The following DTNB variants were observed in gnomAD, a reference collection of about 807,000 sequenced individuals.
DTNB encodes dystrobrevin beta.
A neutral mutation model predicts 90.7 loss-of-function variants in DTNB; 63 were observed. The ratio of observed to expected loss-of-function variants is 0.69; its 90% confidence interval spans 0.57 to 0.86. The LOEUF (loss-of-function observed/expected upper bound fraction) is 0.86, where lower values mean the gene tolerates loss of function less well. Among genes scored for constraint, DTNB ranks in the 40% least tolerant of loss-of-function variants. The pLI, the probability that DTNB is intolerant of heterozygous loss-of-function variation, is 0.00. For missense variants in DTNB, 744 were observed against 807.1 expected (o/e 0.92, Z 0.95); for synonymous variants, 277 against 286.7 (o/e 0.97, Z 0.34).
chr2:25,658,509 A>C (rs549207918), intron 1 of DTNB, among the ~76,000 whole-genome samples: 2 of 152,244 alleles, frequency 1.3e-5, no homozygotes, highest in Non-Finnish European at 2.9e-5. Context: ...AAAAGCTGGA[A>C]GCAATGATGA....
rs577982753 is a variant in DTNB, at chr2:25,615,636, C to T, written c.363-8315G>A. Among the ~76,000 whole-genome samples, 13 of 152,226 alleles carry T rather than the reference C, an allele frequency of 8.5e-5. No homozygotes were observed. In the South Asian group the frequency reaches 2.3e-3, roughly 27 times the overall value. ...AGCTCTGTCTCAGGAACCCGGGCAGCGATCAAACGTTAGAACAAAAGATTC... is the reference window on the plus strand; with the variant it reads ...AGCTCTGTCTCAGGAACCCGGGCAGTGATCAAACGTTAGAACAAAAGATTC... On this transcript the variant is annotated intron_variant, in intron 4 of 20. Transcript: ENST00000406818.
At position 25,424,671 on chromosome 2, in the gene DTNB, AT is replaced by A. The variant is rs751578087; in HGVS notation, c.1554+2863del. 2.9e-3 allele frequency among the ~76,000 whole-genome samples: 405 copies of A among 141,582 alleles called. 2 individuals carry two copies. Among genetic ancestry groups the A allele is most frequent in the South Asian group, 0.015 (67 of 4,470 alleles). 92.9% of individuals were successfully genotyped at this position (141,582 alleles called of 152,430 possible). The stretch of plus-strand genomic sequence containing the variant: ...CAGGGAAGAGGTGAGTGGATCCCCT[AT>A]TTTTTTTTTTTTTGAGACTGAGTCT... On this transcript the variant is annotated intron_variant, in intron 15 of 20. Transcript: ENST00000406818. This position sits in a 1 kb window ranked among gnomAD's most constrained non-coding sequence, Gnocchi z 4.1.
chr2:25,653,505 TTCTTTCTTTC>T (rs1301967255), intron 1 of DTNB, among the ~76,000 whole-genome samples: 7 of 129,540 alleles, frequency 5.4e-5, no homozygotes, highest in East Asian at 3.5e-4. Context: ...CTTTCTTTCT[TTCTTTCTTTC>T]TTTTTTTTTT....
At chr2:25,574,049 A>T (rs1171399803) in intron 8 of DTNB, among the ~76,000 whole-genome samples, 2 of 152,156 alleles carry the variant, frequency 1.3e-5, no homozygotes, top group South Asian at 4.1e-4. Context: ...CTTCTTCTGG[A>T]AAGACACCTA....
chr2:25,635,206 G>A (rs899569800), intron 3 of DTNB, among the ~76,000 whole-genome samples: 2 of 152,108 alleles, frequency 1.3e-5, no homozygotes, highest in Non-Finnish European at 2.9e-5. Flanking sequence ...GCCAAGACAG[G>A]TGGATCACTT....
At chr2:25,590,087 C>G (rs2063265297) in intron 6 of DTNB, among the ~76,000 whole-genome samples, 1 of 152,218 alleles carries the variant, frequency 6.6e-6, no homozygotes, top group Admixed American at 6.5e-5. Context: ...CTGGCACCAG[C>G]AAACACGGTG....
At chr2:25,580,973 A>C (rs1037389799) in intron 6 of DTNB, 147 bp from the exon 7 acceptor site, 1 of 614,368 alleles carries the variant, frequency 1.6e-6, no homozygotes, top group African/African-American at 1.9e-5. Flanking sequence ...TACTACAGAC[A>C]CTACTACATG....
intron 18 of DTNB, among the ~76,000 whole-genome samples, chr2:25,386,882 C>T (rs1038655451): frequency 6.6e-6 from 1 of 152,156 alleles, no homozygotes; most frequent in African/African-American, 2.4e-5. Flanking sequence ...GGGGAAGGTC[C>T]AGAGCTTTCC....
chr2:25,665,347 C>T (rs1429091908), intron 1 of DTNB, among the ~76,000 whole-genome samples: 1 of 152,198 alleles, frequency 6.6e-6, no homozygotes, highest in Admixed American at 6.5e-5. Context: ...CAGTGAGGGG[C>T]CAGGCGCGGT....
chr2:25,415,769 A>G (rs1003304688), intron 16 of DTNB, among the ~76,000 whole-genome samples: 1 of 152,130 alleles, frequency 6.6e-6, no homozygotes, highest in South Asian at 2.1e-4. Context: ...GAGCATGTCT[A>G]TATGCCAGGA....
intron 16 of DTNB, among the ~76,000 whole-genome samples, chr2:25,413,231 A>C (rs2047028113): frequency 6.6e-6 from 1 of 151,924 alleles, no homozygotes; most frequent in African/African-American, 2.4e-5. Context: ...TTTTTAAAAA[A>C]ATTATTTTCA....
At chr2:25,502,829 T>C (rs2071093161) in intron 9 of DTNB, among the ~76,000 whole-genome samples, 1 of 142,562 alleles carries the variant, frequency 7.0e-6, no homozygotes, top group Admixed American at 7.5e-5. Flanking sequence ...GAGTTTGCAG[T>C]GAGCTGAGAT....
At chr2:25,582,219 C>T (rs899215322) in intron 6 of DTNB, among the ~76,000 whole-genome samples, 5 of 152,014 alleles carry the variant, frequency 3.3e-5, no homozygotes, top group Admixed American at 6.6e-5. Context: ...AAACCGGAAG[C>T]GAGGAGTGAA....
chr2:25,512,836 C>G (rs1008034667), intron 9 of DTNB, among the ~76,000 whole-genome samples: 3 of 152,184 alleles, frequency 2.0e-5, no homozygotes, highest in Admixed American at 2.0e-4. Flanking sequence ...AGGAAGGCAG[C>G]AGGTCTGGCA....
intron 15 of DTNB, among the ~76,000 whole-genome samples, chr2:25,419,989 C>T (rs1408140495): frequency 6.6e-6 from 1 of 152,172 alleles, no homozygotes; most frequent in Non-Finnish European, 1.5e-5. Flanking sequence ...ATGCATGGAA[C>T]ACAGACCAGC....
chr2:25,634,363 G>A (rs1288598369), intron 3 of DTNB, among the ~76,000 whole-genome samples: 3 of 124,222 alleles, frequency 2.4e-5, no homozygotes, highest in Non-Finnish European at 5.3e-5. Context: ...CCGGCCAGCC[G>A]CCCCGTCCGG....
chr2:25,612,951 C>T (rs1218528156), intron 4 of DTNB, among the ~76,000 whole-genome samples: 1 of 152,128 alleles, frequency 6.6e-6, no homozygotes, highest in Non-Finnish European at 1.5e-5. Context: ...AAGAAAGCTC[C>T]TCATTCTGAA....
chr2:25,627,022 T>C (rs970693222), intron 4 of DTNB, among the ~76,000 whole-genome samples: 5 of 152,254 alleles, frequency 3.3e-5, no homozygotes, highest in African/African-American at 1.2e-4. Context: ...TCCGTTTTAA[T>C]TGGAGTACAT....
At chr2:25,603,224 ACAGT>A (rs903652932) in intron 5 of DTNB, among the ~76,000 whole-genome samples, 4 of 152,236 alleles carry the variant, frequency 2.6e-5, no homozygotes, top group African/African-American at 4.8e-5. Context: ...AATAAATTGC[ACAGT>A]CAAATTAATT....
Sources: gnomAD v4.1 joint callset for allele counts (sites outside exome capture counted in the v4.1 genomes callset) on GRCh38, gnomAD v4.1.1 for gene constraint, Gnocchi (gnomAD v3.1) non-coding constraint, MANE v1.5 for transcripts, NCBI Gene and HGNC (gene_info 2026-07-23, HGNC 2026-07-21) for gene names.